Variants in ZIC4 observed in about 807,000 individuals in gnomAD.
ZIC4 encodes Zic family zinc finger 4.
ZIC4 carries 15 observed loss-of-function variants against 28.8 expected under a neutral mutation model. The ratio of observed to expected loss-of-function variants is 0.52; its 90% CI spans 0.35 to 0.80. ZIC4 has a LOEUF of 0.80. Ranked by LOEUF, ZIC4 falls within the 30% of genes least tolerant of loss-of-function variation. ZIC4 has a pLI of 0.01. For missense variants in ZIC4, 512 were observed against 467.1 expected, an observed-to-expected ratio of 1.10 and a Z score of -0.89; for synonymous variants, 220 against 198.1, an observed-to-expected ratio of 1.11 and a Z score of -0.93.
chr3:147,402,262 C>T (rs1330150637), intron 2 of ZIC4, among the ~76,000 whole-genome samples: 1 of 152,344 alleles, frequency 6.6e-6, no homozygotes, highest in East Asian at 1.9e-4. Flanking sequence ...TTGCAGAAGG[C>T]TGGTATCCCT....
At chr3:147,392,539 T>C in intron 3 of ZIC4, 2 of 717,686 alleles carry the variant, frequency 2.8e-6, no homozygotes, top group East Asian at 1.3e-4. Context: ...TCTGGGCGCT[T>C]TAAACAAATG....
At chr3:147,390,841 G>A in intron 4 of ZIC4, 90 bp downstream of exon 4, 1 of 1,451,726 alleles carries the variant, frequency 6.9e-7, no homozygotes, top group Non-Finnish European at 9.2e-7. Flanking sequence ...ACCGGAGGCG[G>A]CGGCGGCAGC....
rs1362231961 is a variant in ZIC4 at position 147,388,525 on chromosome 3, A to C, written c.*334T>G. ...TTATCCATTTTTATTATGATCGGGT[A>C]CAAGTGCCCATTCGCGTGGGTTTTG... is the stretch of plus-strand genomic sequence containing the variant. On this transcript the variant is annotated 3_prime_UTR_variant, in exon 5 of 5. Transcript: ENST00000383075. 9 of 363,326 alleles carry C rather than the reference A, an allele frequency of 2.5e-5. No homozygotes were observed. The highest frequency in any genetic ancestry group is 4.4e-5 in the Non-Finnish European group (9 of 204,088). 22.5% of individuals were successfully genotyped at this position (363,326 alleles called of 1,614,324 possible). A position where few individuals can be genotyped will look rare whatever the true frequency, so the allele number is the denominator to read the frequency against.
Position 147,396,132 on chromosome 3 carries a change from G to A in ZIC4, c.408C>T (p.Asp136=). The change falls in exon 3 of 5, where the codon GAC becomes GAT. Residue 136 remains aspartate, a synonymous_variant. Coordinates refer to ENST00000383075, the MANE Select transcript of ZIC4 (RefSeq NM_032153.6). The surrounding 1 kb of genome is among the most constrained non-coding windows in gnomAD (Gnocchi z 4.2). The part of the protein sequence containing the change: ...QELICKWLAA[D]GTATPSLCSK... ...AGCAGAGGCTCGGGGTCGCGGTGCC[G>A]TCGGCCGCCAGCCACTTGCAGATGA... The A allele has an allele frequency of 5.6e-6, 9 of 1,613,024 alleles. No individual in the cohort carries two copies. Among genetic ancestry groups the A allele is most frequent in the Non-Finnish European group, 7.6e-6 (9 of 1,179,876 alleles).
chr3:147,397,920 A>C (rs2087083457), intron 2 of ZIC4, among the ~76,000 whole-genome samples: 1 of 147,366 alleles, frequency 6.8e-6, no homozygotes, highest in South Asian at 2.2e-4. Flanking sequence ...TTTCCTCTAT[A>C]CTCTCTTCCC....
At chr3:147,393,797 A>T (rs1413579727) in intron 3 of ZIC4, 1 of 444,356 alleles carries the variant, frequency 2.3e-6, no homozygotes, top group African/African-American at 2.0e-5. Context: ...CCTGGAGAGG[A>T]GCTGGGTGGC....
chr3:147,395,715 A>C (rs989151004), intron 3 of ZIC4, 137 bp downstream of exon 3: 3 of 1,345,006 alleles, frequency 2.2e-6, no homozygotes, highest in Admixed American at 2.3e-5. Context: ...GCGCATAATT[A>C]ATATTTTATG....
intron 3 of ZIC4, chr3:147,393,898 C>A (rs1397865191): frequency 4.4e-6 from 2 of 456,732 alleles, no homozygotes; most frequent in Admixed American, 4.7e-5. Flanking sequence ...AAAGTGAATC[C>A]TTTCGGTGCG....
At chr3:147,397,105 T>C (rs1013115620) in intron 2 of ZIC4, 1 of 151,928 alleles carries the variant, frequency 6.6e-6, no homozygotes, top group African/African-American at 2.4e-5. Context: ...TTCTTTCTCT[T>C]CTTCTTCCCA....
chr3:147,400,073 C>T (rs1340016181), intron 2 of ZIC4, among the ~76,000 whole-genome samples: 2 of 152,166 alleles, frequency 1.3e-5, no homozygotes, highest in Admixed American at 1.3e-4. Flanking sequence ...CTGTGGAACC[C>T]TTAGGAAGCC....
In ZIC4 at chr3:147,396,113, G is replaced by A. The variant is rs772784599; in HGVS notation, c.427C>T (p.Leu143Phe). 7.1e-5 allele frequency: 114 copies of A among 1,614,178 alleles called. 2 individuals are homozygous for A. The South Asian group carries it at 8.9e-4, about 13-fold the overall frequency. The change falls in exon 3 of 5, where the codon CTC becomes TTC. Residue 143 changes from leucine (L) to phenylalanine (F), a missense_variant. Coordinates refer to ENST00000383075, the MANE Select transcript of ZIC4 (RefSeq NM_032153.6). This position sits in a 1 kb window ranked among gnomAD's most constrained non-coding sequence, Gnocchi z 4.2. Reference protein sequence around the residue: ...LAADGTATPSLCSKTFSTMHE... With the variant: ...LAADGTATPSFCSKTFSTMHE... The stretch of plus-strand genomic sequence containing the variant: ...ATGGTGCTGAAAGTTTTGGAGCAGA[G>A]GCTCGGGGTCGCGGTGCCGTCGGCC...
At chr3:147,402,264 G>A (rs79243503) in intron 2 of ZIC4, among the ~76,000 whole-genome samples, 1,577 of 152,246 alleles carry the variant, frequency 0.01, 22 homozygotes, top group African/African-American at 0.036. Flanking sequence ...GCAGAAGGCT[G>A]GTATCCCTGG....
chr3:147,396,003 C>T lies in ZIC4; in HGVS notation c.537G>A (p.Pro179=), dbSNP rs1333559436. The T allele has an allele frequency of 1.2e-6, 2 of 1,614,114 alleles. No homozygotes were observed. The highest frequency in any genetic ancestry group is 3.3e-5 in the Admixed American group (2 of 60,010). Residue 179 remains proline, a synonymous_variant, in exon 3 of 5, where the codon CCG becomes CCA. Transcript: ENST00000383075. This position sits in a 1 kb window ranked among gnomAD's most constrained non-coding sequence, Gnocchi z 4.2. Reference sequence around the variant, plus strand: ...TGGCTTTGAAGGGCTTTCCCTGGCGCGGACACTCCTCCCAGAAGCAAATGT... The same window carrying T: ...TGGCTTTGAAGGGCTTTCCCTGGCGTGGACACTCCTCCCAGAAGCAAATGT... ...ANHICFWEEC[P]RQGKPFKAKY... is the part of the protein sequence containing the mutation.
Position 147,390,915 on chromosome 3 carries a change from G to A in ZIC4, c.1004+16C>T, listed in dbSNP as rs746046690. ...CGGGGGCAGCCGCTATGGGGCCCAA[G>A]CCCTGACACACGTACCATTCGCTCA... On this transcript the variant is annotated intron_variant, in intron 4 of 4. Transcript: ENST00000383075. 5 of 1,595,870 alleles carry A rather than the reference G, an allele frequency of 3.1e-6. No homozygotes were observed. In the African/African-American group the frequency reaches 6.7e-5, roughly 21 times the overall value.
At chr3:147,397,944 G>A (rs2087084075) in intron 2 of ZIC4, among the ~76,000 whole-genome samples, 1 of 151,820 alleles carries the variant, frequency 6.6e-6, no homozygotes, top group Non-Finnish European at 1.5e-5. Context: ...TAGCCTTGCA[G>A]GCCCCTCCTC....
intron 4 of ZIC4, 176 bp from the exon 5 acceptor site, chr3:147,389,035 T>G (rs1205601362): frequency 1.6e-6 from 1 of 620,032 alleles, no homozygotes; most frequent in Non-Finnish European, 2.9e-6. Context: ...AGCAGCAAGT[T>G]CCGCAAATGC....
chr3:147,403,939 C>A (rs2087220133), intron 1 of ZIC4: 2 of 1,532,834 alleles, frequency 1.3e-6, no homozygotes, highest in Non-Finnish European at 8.7e-7. Flanking sequence ...AGGTCCAGGC[C>A]TAGGAGGCAG....
At chr3:147,404,176 G>T in intron 1 of ZIC4, 4 of 1,507,164 alleles carry the variant, frequency 2.7e-6, no homozygotes, top group Non-Finnish European at 3.5e-6. Context: ...GGCAATAATA[G>T]AATTTACTCT....
At position 147,406,442 on chromosome 3, in the gene ZIC4, A is replaced by T. The variant is rs1357563629; in HGVS notation, c.-95T>A. 3.3e-5 allele frequency: 5 copies of T among 152,620 alleles called. No homozygotes were observed. Among genetic ancestry groups the T allele is most frequent in the African/African-American group, 1.2e-4 (5 of 41,460 alleles). 9.5% of individuals were successfully genotyped at this position (152,620 alleles called of 1,614,324 possible). On this transcript the variant is annotated 5_prime_UTR_variant, in exon 1 of 5. It introduces an in-frame stop codon into an upstream open reading frame of the 5' UTR. Transcript: ENST00000383075. ...CTGAGAGGGGACCACAAACCCCTCC[A>T]AGCCTCTCTTTTGTGGTTCCAGCGA...
Sources: allele counts gnomAD v4.1 joint callset (sites outside exome capture counted in the v4.1 genomes callset), GRCh38; gene constraint gnomAD v4.1.1; non-coding constraint Gnocchi (gnomAD v3.1); transcripts MANE v1.5; gene names NCBI Gene and HGNC (gene_info 2026-07-23, HGNC 2026-07-21).